Variants in WDR76 observed in about 807,000 individuals in gnomAD.
The protein encoded by WDR76 is WD repeat-containing protein 76.
WDR76 carries 52 observed loss-of-function variants against 70.2 expected under a neutral mutation model. The observed-to-expected ratio is 0.74, with a 90% CI of 0.59 to 0.93. The LOEUF is 0.93. Ranked by LOEUF, WDR76 falls within the 40% of genes least tolerant of loss-of-function variation. WDR76 has a pLI of 0.00. For missense variants in WDR76, 756 were observed against 760.2 expected, an observed-to-expected ratio of 0.99 and a Z score of 0.07; for synonymous variants, 292 against 271.1, an observed-to-expected ratio of 1.08 and a Z score of -0.76.
In WDR76 at chr15:43,856,959, AAAG is replaced by A. The variant is rs1358139407; in HGVS notation, c.1209_1211del (p.Arg403del). 6.2e-6 allele frequency: 10 copies of A among 1,613,742 alleles called. No individual in the cohort carries two copies. Among genetic ancestry groups the A allele is most frequent in the Admixed American group, 3.3e-5 (2 of 59,952 alleles). On this transcript the variant is annotated inframe_deletion, in exon 10 of 13. Coordinates refer to ENST00000263795, the MANE Select transcript of WDR76 (RefSeq NM_024908.4). The stretch of plus-strand genomic sequence containing the variant: ...TTATATTCTTAGGTGTATAGAAATG[AAAG>A]AAGTAGCTTTTCCTCCTTCGACTTC...
intron 10 of WDR76, 129 bp from the exon 11 acceptor site, chr15:43,858,542 G>A: frequency 1.6e-6 from 2 of 1,228,860 alleles, no homozygotes; most frequent in Admixed American, 2.6e-5. Flanking sequence ...CACCGCACCT[G>A]GCTGAGAGTT....
chr15:43,851,020 G>A, intron 8 of WDR76, 67 bp from the exon 9 acceptor site: 5 of 1,575,546 alleles, frequency 3.2e-6, no homozygotes, highest in Non-Finnish European at 2.6e-6. Context: ...TGACATAATA[G>A]CATAGCAAAA....
At chr15:43,859,251 A>G (rs891469310) in intron 11 of WDR76, among the ~76,000 whole-genome samples, 1 of 152,174 alleles carries the variant, frequency 6.6e-6, no homozygotes, top group African/African-American at 2.4e-5. Flanking sequence ...TATACAAACT[A>G]TTGGATATGG....
rs58090135 is a variant in WDR76 at position 43,839,508 on chromosome 15, A to G, written c.609-97A>G. 1.1e-3 allele frequency: 1,393 copies of G among 1,262,596 alleles called. 22 individuals carry two copies. In the East Asian group the frequency reaches 0.031, roughly 28 times the overall value. 78.2% of individuals were successfully genotyped at this position (1,262,596 alleles called of 1,614,324 possible). The stretch of plus-strand genomic sequence containing the variant: ...ATATATCTATGCAGTTTATAAATAT[A>G]TCTGTGGTATATATTCCTAGAAGTT... On this transcript the variant is annotated intron_variant, in intron 4 of 12. Coordinates refer to ENST00000263795, the MANE Select transcript of WDR76 (RefSeq NM_024908.4).
chr15:43,831,223 T>G (rs2087584109), intron 2 of WDR76, among the ~76,000 whole-genome samples: 2 of 151,924 alleles, frequency 1.3e-5, no homozygotes, highest in Admixed American at 1.3e-4. Flanking sequence ...AGAGCAAGAC[T>G]CTTGTTTTAA....
At chr15:43,840,562 A>G (rs1438347505) in intron 5 of WDR76, among the ~76,000 whole-genome samples, 1 of 152,238 alleles carries the variant, frequency 6.6e-6, no homozygotes, top group African/African-American at 2.4e-5. Context: ...GTAAGTGTTT[A>G]ATTGTAAATA....
In WDR76 at chr15:43,851,120, T is replaced by G; in HGVS notation, c.1066T>G (p.Phe356Val). Reference sequence around the variant, plus strand: ...ACCTAAAGAAGATGGAGTTTATGTTTTTCATCCCCATAGTCAGCCAGTTAG... The same window carrying G: ...ACCTAAAGAAGATGGAGTTTATGTTGTTCATCCCCATAGTCAGCCAGTTAG... Reference protein sequence around the residue: ...QQPKEDGVYVFHPHSQPVSCL... With the variant: ...QQPKEDGVYVVHPHSQPVSCL... Residue 356 changes from phenylalanine (F) to valine (V), a missense_variant, in exon 9 of 13, where the codon TTT (phenylalanine) becomes GTT (valine). Physicochemically the swap from Phe to Val is conservative, Grantham distance 50. Coordinates refer to ENST00000263795, the MANE Select transcript of WDR76 (RefSeq NM_024908.4). The G allele has an allele frequency of 1.9e-6, 3 of 1,614,190 alleles. No individual in the cohort carries two copies.
chr15:43,853,260 G>C (rs912536690), intron 9 of WDR76, among the ~76,000 whole-genome samples: 1 of 151,520 alleles, frequency 6.6e-6, no homozygotes, highest in Admixed American at 6.6e-5. Context: ...GCTTGATCTC[G>C]GCTCACCGCA....
rs2088003333 is a variant in WDR76, at chr15:43,861,987, C to T, written c.1616+601C>T. Among the ~76,000 whole-genome samples, 3 of 151,892 alleles carry T rather than the reference C, an allele frequency of 2.0e-5. No individual in the cohort carries two copies. The South Asian group carries it at 6.2e-4, about 32-fold the overall frequency. On this transcript the variant is annotated intron_variant, in intron 12 of 12. Coordinates refer to ENST00000263795, the MANE Select transcript of WDR76 (RefSeq NM_024908.4). ...GAGTAGCTGGGATTACAGGCATGCA[C>T]CACTATGCCCAGCTAATTTTTTGTA...
chr15:43,853,677 G>A (rs964065069), intron 9 of WDR76, among the ~76,000 whole-genome samples: 7 of 151,918 alleles, frequency 4.6e-5, no homozygotes, highest in Non-Finnish European at 7.4e-5. Context: ...AGGCTGAGGC[G>A]GGTGGATCAC....
At chr15:43,855,706 G>A (rs1028559587) in intron 9 of WDR76, among the ~76,000 whole-genome samples, 1 of 151,972 alleles carries the variant, frequency 6.6e-6, no homozygotes, top group African/African-American at 2.4e-5. Flanking sequence ...TGATATAGTC[G>A]GGCATGGTGG....
chr15:43,861,897 C>T (rs971485305), intron 12 of WDR76, among the ~76,000 whole-genome samples: 11 of 139,410 alleles, frequency 7.9e-5, no homozygotes, highest in Non-Finnish European at 1.5e-4. Context: ...AGTGCAGTGG[C>T]GTGATCTCTG....
At chr15:43,841,029 T>C (rs946456792) in intron 5 of WDR76, among the ~76,000 whole-genome samples, 1 of 151,574 alleles carries the variant, frequency 6.6e-6, no homozygotes, top group Non-Finnish European at 1.5e-5. Flanking sequence ...TCTTTTTTTT[T>C]TTTCTTTCTG....
intron 4 of WDR76, among the ~76,000 whole-genome samples, chr15:43,839,067 G>GC (rs1219801827): frequency 6.6e-6 from 1 of 151,934 alleles, no homozygotes; most frequent in Non-Finnish European, 1.5e-5. Context: ...TTTTAAAAAT[G>GC]AAAAAATAGT....
chr15:43,835,033 A>G, intron 2 of WDR76, 28 bp from the exon 3 acceptor site: 1 of 1,588,406 alleles, frequency 6.3e-7, no homozygotes, highest in Non-Finnish European at 8.6e-7. Flanking sequence ...ATATAAAGTA[A>G]TGGAATCTTT....
chr15:43,851,392 A>G, intron 9 of WDR76, 147 bp downstream of exon 9: 1 of 1,121,068 alleles, frequency 8.9e-7, no homozygotes, highest in Non-Finnish European at 1.3e-6. Flanking sequence ...ATCCCAGATC[A>G]TCTGTTACTA....
At chr15:43,829,576 G>A (rs1012900326) in intron 2 of WDR76, among the ~76,000 whole-genome samples, 3 of 142,660 alleles carry the variant, frequency 2.1e-5, no homozygotes, top group Non-Finnish European at 4.5e-5. Flanking sequence ...GCATGATCTC[G>A]GCTTACTGCA....
At chr15:43,854,820 C>T (rs1180088254) in intron 9 of WDR76, among the ~76,000 whole-genome samples, 1 of 151,896 alleles carries the variant, frequency 6.6e-6, no homozygotes, top group East Asian at 1.9e-4. Flanking sequence ...CATGGTGGCT[C>T]ACGCCTGTAG....
intron 12 of WDR76, chr15:43,863,807 C>T (rs1286915347): frequency 4.6e-5 from 7 of 152,272 alleles, no homozygotes; most frequent in South Asian, 2.1e-4. Flanking sequence ...GATCCTCCCA[C>T]GTGGGCCTCC....
Sources: allele counts gnomAD v4.1 joint callset (sites outside exome capture counted in the v4.1 genomes callset), GRCh38; gene constraint gnomAD v4.1.1; transcripts MANE v1.5; gene names NCBI Gene and HGNC (gene_info 2026-07-23, HGNC 2026-07-21).